Variants in FSTL4 observed in about 807,000 individuals in gnomAD.
The protein encoded by FSTL4 is follistatin like 4.
A neutral mutation model predicts 78.2 loss-of-function variants in FSTL4; 28 were observed. The ratio of observed to expected loss-of-function variants is 0.36; its 90% CI spans 0.27 to 0.49. FSTL4 has a LOEUF of 0.49. Among genes scored for constraint, FSTL4 ranks in the 20% least tolerant of loss-of-function variants. FSTL4 has a pLI of 0.98. For synonymous variants in FSTL4, 422 were observed against 440.5 expected (o/e 0.96, Z 0.53); for missense variants, 922 against 1,084.9 (o/e 0.85, Z 2.11).
At chr5:133,824,016 A>G in the FSTL4 span, among the ~76,000 whole-genome samples, 18 of 152,228 alleles carry the variant, frequency 1.2e-4, no homozygotes, top group African/African-American at 4.3e-4. Context: ...GACAAAGACC[A>G]AAGTGTTTTT....
the FSTL4 span, among the ~76,000 whole-genome samples, chr5:133,802,205 G>A: frequency 1.3e-5 from 2 of 152,174 alleles, no homozygotes; most frequent in Non-Finnish European, 2.9e-5. Context: ...TAATCTCCAG[G>A]GCCTGGCACA....
chr5:133,443,120 G>A (rs530800233), intron 3 of FSTL4, among the ~76,000 whole-genome samples: 8 of 152,272 alleles, frequency 5.3e-5, no homozygotes, highest in African/African-American at 1.7e-4. Context: ...AATGTCTTCT[G>A]CACGACACCT....
rs148944117 is a variant in FSTL4, at chr5:133,314,179, C to T, written c.604-1402G>A. Among the ~76,000 whole-genome samples, 25 of 152,302 alleles carry T rather than the reference C, an allele frequency of 1.6e-4. 1 individual carries two copies. Among genetic ancestry groups the T allele is most frequent in the Middle Eastern group, 6.8e-3 (2 of 294 alleles). ...CCCTGCTCGGTAGTTTGAGGAATTGCCAGGTGGTTCTTCCTGCAAGTAGCT... is the reference window on the plus strand; with the variant it reads ...CCCTGCTCGGTAGTTTGAGGAATTGTCAGGTGGTTCTTCCTGCAAGTAGCT... On this transcript the variant is annotated intron_variant, in intron 5 of 15. Transcript: ENST00000265342.
chr5:133,689,494 G>T, the FSTL4 span, among the ~76,000 whole-genome samples: 1 of 152,178 alleles, frequency 6.6e-6, no homozygotes, highest in Non-Finnish European at 1.5e-5. Context: ...GTACAGTAGT[G>T]GGTATATGTG....
chr5:133,376,541 T>TA lies in FSTL4; in HGVS notation c.409+24196_409+24197insT, dbSNP rs1341927140. On this transcript the variant is annotated intron_variant, in intron 4 of 15. Coordinates refer to ENST00000265342, the MANE Select transcript of FSTL4 (RefSeq NM_015082.2). ...AAATGGTGAAATGATGATTTTGATT[T>TA]TAAAAAAAACACACACACTCCAAAC... 1.4e-4 allele frequency among the ~76,000 whole-genome samples: 22 copies of TA among 151,958 alleles called. 1 individual carries two copies. The highest frequency in any genetic ancestry group is 1.1e-3 in the Admixed American group (17 of 15,262).
intron 1 of FSTL4, among the ~76,000 whole-genome samples, chr5:133,608,320 C>G (rs1239265723): frequency 6.6e-6 from 1 of 152,190 alleles, no homozygotes; most frequent in Non-Finnish European, 1.5e-5. Context: ...ATGCTTTAAC[C>G]ATCTTGTTTG....
intron 4 of FSTL4, among the ~76,000 whole-genome samples, chr5:133,354,480 T>C (rs1036477963): frequency 6.6e-6 from 1 of 152,210 alleles, no homozygotes; most frequent in Non-Finnish European, 1.5e-5. Flanking sequence ...GAGGACATCC[T>C]GGAGAGCCTT....
At chr5:133,812,058 G>A in the FSTL4 span, among the ~76,000 whole-genome samples, 3 of 152,228 alleles carry the variant, frequency 2.0e-5, no homozygotes, top group African/African-American at 7.2e-5. Context: ...AGCTGCTCAG[G>A]ATAAACATCT....
chr5:133,836,390 G>C, the FSTL4 span, among the ~76,000 whole-genome samples: 1 of 151,974 alleles, frequency 6.6e-6, no homozygotes, highest in African/African-American at 2.4e-5. Context: ...AAGTAAATTA[G>C]TATTTTGTAC....
At chr5:133,576,685 A>G (rs1240179710) in intron 2 of FSTL4, among the ~76,000 whole-genome samples, 1 of 152,182 alleles carries the variant, frequency 6.6e-6, no homozygotes, top group Non-Finnish European at 1.5e-5. Flanking sequence ...CTGGCTTCAG[A>G]GTTCCTCAGG....
At chr5:133,795,215 C>A in the FSTL4 span, among the ~76,000 whole-genome samples, 50,247 of 152,054 alleles carry the variant, frequency 0.33, 9,502 homozygotes, top group African/African-American at 0.52. Flanking sequence ...GGCTATGGGG[C>A]CAAATGCTCC....
At chr5:133,755,252 G>T in the FSTL4 span, among the ~76,000 whole-genome samples, 1 of 152,154 alleles carries the variant, frequency 6.6e-6, no homozygotes, top group Non-Finnish European at 1.5e-5. Context: ...ATGCAGCTGT[G>T]AGCTGTTATC....
At chr5:133,480,008 A>G (rs1757996767) in intron 3 of FSTL4, among the ~76,000 whole-genome samples, 1 of 152,324 alleles carries the variant, frequency 6.6e-6, no homozygotes, top group South Asian at 2.1e-4. Flanking sequence ...ATTAGAAAAG[A>G]CGGGGACACT....
At chr5:133,265,159 C>T (rs1487824419) in intron 6 of FSTL4, among the ~76,000 whole-genome samples, 3 of 152,044 alleles carry the variant, frequency 2.0e-5, no homozygotes, top group Admixed American at 1.3e-4. Context: ...GCCCCGTCCC[C>T]CCACATCATC....
chr5:133,242,489 C>G (rs561637098), intron 7 of FSTL4, among the ~76,000 whole-genome samples: 1 of 152,056 alleles, frequency 6.6e-6, no homozygotes, highest in South Asian at 2.1e-4. Flanking sequence ...GAGATGGGGC[C>G]GGAAGTGGTC....
intron 4 of FSTL4, among the ~76,000 whole-genome samples, chr5:133,323,303 G>T (rs1246219538): frequency 6.6e-6 from 1 of 152,160 alleles, no homozygotes; most frequent in Non-Finnish European, 1.5e-5. Flanking sequence ...GCTTCTTACT[G>T]CCTTCCAGGG....
At chr5:133,814,344 A>T in the FSTL4 span, among the ~76,000 whole-genome samples, 1 of 152,138 alleles carries the variant, frequency 6.6e-6, no homozygotes, top group Non-Finnish European at 1.5e-5. Context: ...GCTCAGCATA[A>T]CAAGCACGTT....
At chr5:133,430,498 G>A (rs140125114) in intron 3 of FSTL4, among the ~76,000 whole-genome samples, 10 of 152,290 alleles carry the variant, frequency 6.6e-5, no homozygotes, top group African/African-American at 2.4e-4. Flanking sequence ...GAATAGCCAA[G>A]CCAGAGACCT....
intron 3 of FSTL4, among the ~76,000 whole-genome samples, chr5:133,511,642 T>C (rs1481236161): frequency 6.6e-6 from 1 of 151,908 alleles, no homozygotes; most frequent in East Asian, 1.9e-4. Flanking sequence ...ACTGAAAAAA[T>C]GATTAATTTT....
Sources: allele counts gnomAD v4.1 joint callset (sites outside exome capture counted in the v4.1 genomes callset), GRCh38; gene constraint gnomAD v4.1.1; transcripts MANE v1.5; gene names NCBI Gene and HGNC (gene_info 2026-07-23, HGNC 2026-07-21).